Variants in CCDC134 observed in about 807,000 individuals in gnomAD.
The protein encoded by CCDC134 is coiled-coil domain containing 134, also known as coiled-coil domain-containing protein 134.
Under a neutral mutation model 25.6 loss-of-function variants are expected in CCDC134, and 27 were observed. The observed-to-expected ratio is 1.05, with a 90% confidence interval of 0.78 to 1.45. The LOEUF (loss-of-function observed/expected upper bound fraction) is 1.45. CCDC134 is among the 40% of genes most tolerant of loss of function. CCDC134 has a pLI of 0.00. For missense variants in CCDC134, 261 were observed against 286.7 expected (o/e 0.91, Z 0.65); for synonymous variants, 110 against 115.0 (o/e 0.96, Z 0.28).
intron 1 of CCDC134, among the ~76,000 whole-genome samples, chr22:41,806,280 G>A (rs1179013246): frequency 2.8e-5 from 4 of 145,344 alleles, no homozygotes; most frequent in Non-Finnish European, 5.9e-5. Flanking sequence ...GTGCAGTGGT[G>A]CGATCTCGGC....
chr22:41,813,732 A>T lies in CCDC134; in HGVS notation c.493-19A>T, dbSNP rs1235725214. 7 of 1,602,068 alleles carry T rather than the reference A, an allele frequency of 4.4e-6. No individual in the cohort carries two copies. The highest frequency in any genetic ancestry group is 1.3e-5 in the African/African-American group (1 of 74,666). On this transcript the variant is annotated intron_variant, in intron 5 of 6. Transcript: ENST00000255784. Reference sequence around the variant, plus strand: ...ACTCAGGAGAAGGCAGATGATGACTAGTGTTTCTTCATCTGCAGATGGCCC... The same window carrying T: ...ACTCAGGAGAAGGCAGATGATGACTTGTGTTTCTTCATCTGCAGATGGCCC...
intron 1 of CCDC134, among the ~76,000 whole-genome samples, chr22:41,805,023 C>T (rs775227935): frequency 9.2e-5 from 14 of 152,026 alleles, no homozygotes; most frequent in Non-Finnish European, 1.0e-4. Context: ...GATCTGAGAT[C>T]GTGCCACTGC....
intron 6 of CCDC134, among the ~76,000 whole-genome samples, chr22:41,815,679 G>T (rs532190049): frequency 3.3e-5 from 5 of 151,994 alleles, no homozygotes; most frequent in South Asian, 2.1e-4. Flanking sequence ...TATAGACAGG[G>T]TCTTGCTCTG....
intron 4 of CCDC134, among the ~76,000 whole-genome samples, chr22:41,811,428 T>C (rs1364910026): frequency 6.6e-6 from 1 of 152,170 alleles, no homozygotes; most frequent in Non-Finnish European, 1.5e-5. Flanking sequence ...ACAGAAACTA[T>C]TCTTTTCTTT....
intron 6 of CCDC134, among the ~76,000 whole-genome samples, chr22:41,823,156 G>A (rs4822055): frequency 6.6e-6 from 1 of 151,554 alleles, no homozygotes; most frequent in South Asian, 2.1e-4. Context: ...TTACCATAGG[G>A]TAATAGATAT....
At position 41,813,328 on chromosome 22, in the gene CCDC134, T is replaced by G. The variant is rs757867273; in HGVS notation, c.375T>G (p.Ile125Met). The G allele has an allele frequency of 1.9e-6, 3 of 1,614,118 alleles. No individual in the cohort carries two copies. The South Asian group carries it at 3.3e-5, about 18-fold the overall frequency. Residue 125 changes from isoleucine (I) to methionine (M), a missense_variant, in exon 5 of 7, where the codon ATT becomes ATG. Coordinates refer to ENST00000255784, the MANE Select transcript of CCDC134 (RefSeq NM_024821.5). ...FGDVVLRFPR[I>M]VHYYFDHNSN... ...ATGTGGTGCTGCGCTTCCCGAGGATTGTGCACTATTACTTTGACCACAACT... is the reference window on the plus strand; with the variant it reads ...ATGTGGTGCTGCGCTTCCCGAGGATGGTGCACTATTACTTTGACCACAACT...
At position 41,827,350 on chromosome 22, in the gene CCDC134, AG is replaced by A. The variant is rs1381128593; in HGVS notation, c.*1529del. 1.3e-5 allele frequency among the ~76,000 whole-genome samples: 2 copies of A among 152,180 alleles called. No individual in the cohort carries two copies. The highest frequency in any genetic ancestry group is 2.9e-5 in the Non-Finnish European group (2 of 68,032). On this transcript the variant is annotated 3_prime_UTR_variant, in exon 7 of 7. Coordinates refer to ENST00000255784, the MANE Select transcript of CCDC134 (RefSeq NM_024821.5). ...GTTTCATCTCCACCCTGCCCTTCTC[AG>A]GTTGTGTGACCCCAGCCACATGGAC... is the stretch of plus-strand genomic sequence containing the variant.
intron 1 of CCDC134, among the ~76,000 whole-genome samples, chr22:41,802,029 A>G (rs2076546094): frequency 6.6e-6 from 1 of 152,140 alleles, no homozygotes; most frequent in Admixed American, 6.6e-5. Context: ...CCTCACAGAA[A>G]GATTTTTCTG....
Position 41,829,645 on chromosome 22 carries a change from T to C in CCDC134, c.*3822T>C, listed in dbSNP as rs922843090. ...AGGTGCTGTGGGAAAAAGGGGAAAG[T>C]GTCAGAGGAAGTAAATGAAAAACCA... On this transcript the variant is annotated 3_prime_UTR_variant, in exon 7 of 7. Transcript: ENST00000255784. 1.3e-5 allele frequency among the ~76,000 whole-genome samples: 2 copies of C among 152,152 alleles called. No homozygotes were observed. Among genetic ancestry groups the C allele is most frequent in the Admixed American group, 6.5e-5 (1 of 15,280 alleles).
At chr22:41,818,634 G>T (rs2076633892) in intron 6 of CCDC134, among the ~76,000 whole-genome samples, 1 of 152,216 alleles carries the variant, frequency 6.6e-6, no homozygotes, top group South Asian at 2.1e-4. Context: ...TTGAGCCAGT[G>T]GCTTTGCTTT....
chr22:41,815,762 A>C (rs1259744717), intron 6 of CCDC134, among the ~76,000 whole-genome samples: 1 of 152,000 alleles, frequency 6.6e-6, no homozygotes, highest in Non-Finnish European at 1.5e-5. Context: ...CTCCCACCTC[A>C]GCCTCCTGAG....
intron 4 of CCDC134, among the ~76,000 whole-genome samples, chr22:41,810,599 G>A (rs530138598): frequency 8.1e-4 from 118 of 146,042 alleles, no homozygotes; most frequent in African/African-American, 2.9e-3. Context: ...GCGTACAAGT[G>A]ATTCTCCTGC....
At chr22:41,803,140 G>C (rs906806296) in intron 1 of CCDC134, among the ~76,000 whole-genome samples, 4 of 152,062 alleles carry the variant, frequency 2.6e-5, no homozygotes, top group Admixed American at 2.0e-4. Context: ...TCTGGGCATT[G>C]GTTGGGGAGT....
At chr22:41,805,805 C>T (rs1308969677) in intron 1 of CCDC134, among the ~76,000 whole-genome samples, 3 of 152,128 alleles carry the variant, frequency 2.0e-5, no homozygotes, top group African/African-American at 7.2e-5. Context: ...GGCATGGTGA[C>T]ATGTGCTGGT....
At chr22:41,807,406 A>G (rs975248782) in intron 1 of CCDC134, among the ~76,000 whole-genome samples, 7 of 152,050 alleles carry the variant, frequency 4.6e-5, no homozygotes, top group African/African-American at 1.4e-4. Context: ...TAAGAAAAAT[A>G]CAAAAAATAG....
intron 6 of CCDC134, among the ~76,000 whole-genome samples, chr22:41,821,782 A>G (rs567767449): frequency 3.1e-4 from 47 of 152,266 alleles, no homozygotes; most frequent in African/African-American, 1.1e-3. Context: ...GGCCTTGTAC[A>G]GAAGAGCAGG....
At position 41,826,683 on chromosome 22, in the gene CCDC134, C is replaced by T. The variant is rs1417504444; in HGVS notation, c.*860C>T. On this transcript the variant is annotated 3_prime_UTR_variant, in exon 7 of 7. Transcript: ENST00000255784. ...GACAGGCCGCAGCCCTGCAGGAGGC[C>T]GTGCTCCGCAATGGCTGCCCTAAGC... 2.0e-5 allele frequency among the ~76,000 whole-genome samples: 3 copies of T among 152,282 alleles called. No homozygotes were observed. The highest frequency in any genetic ancestry group is 2.1e-4 in the South Asian group (1 of 4,820).
rs2076689142 is a variant in CCDC134 at position 41,828,340 on chromosome 22, GC to G, written c.*2520del. ...TTTAAGTGACTTCTCAGTGATGTGTGCCCTTCTCTGACGGTTCCTTGTTCAT... is the reference window on the plus strand; with the variant it reads ...TTTAAGTGACTTCTCAGTGATGTGTGCCTTCTCTGACGGTTCCTTGTTCAT... On this transcript the variant is annotated 3_prime_UTR_variant, in exon 7 of 7. Transcript: ENST00000255784. 6.6e-6 allele frequency among the ~76,000 whole-genome samples: 1 copy of G among 152,158 alleles called. No individual in the cohort carries two copies. Among genetic ancestry groups the G allele is most frequent in the Non-Finnish European group, 1.5e-5 (1 of 68,032 alleles).
rs2076711007 is a variant in CCDC134, at chr22:41,831,577, C to T, written c.*5754C>T. ...GCCGAGAGCTGGCTGCCAGCAGCTC[C>T]TCCTGCCTCGAGGCCTTTGTCCATG... On this transcript the variant is annotated 3_prime_UTR_variant, in exon 7 of 7. Transcript: ENST00000255784. 1 of 152,260 alleles carries T rather than the reference C, an allele frequency of 6.6e-6. No homozygotes were observed. The highest frequency in any genetic ancestry group is 2.1e-4 in the South Asian group (1 of 4,834). 9.4% of individuals were successfully genotyped at this position (152,260 alleles called of 1,614,324 possible). A position where few individuals can be genotyped will look rare whatever the true frequency, so the allele number is the denominator to read the frequency against.
Sources: gnomAD v4.1 joint callset for allele counts (sites outside exome capture counted in the v4.1 genomes callset) on GRCh38, gnomAD v4.1.1 for gene constraint, MANE v1.5 for transcripts, NCBI Gene and HGNC (gene_info 2026-07-23, HGNC 2026-07-21) for gene names.